The following TNIP3 variants were observed in gnomAD, a reference collection of about 807,000 sequenced individuals.
TNIP3 encodes TNFAIP3 interacting protein 3, also known as TNFAIP3-interacting protein 3.
Under a neutral mutation model 54.1 loss-of-function variants are expected in TNIP3, and 34 were observed. That is an observed-to-expected ratio of 0.63 (90% CI 0.48 to 0.84). TNIP3 has a LOEUF of 0.84. Ranked by LOEUF, TNIP3 falls within the 40% of genes least tolerant of loss-of-function variation. The pLI, the probability that TNIP3 is intolerant of heterozygous loss-of-function variation, is 0.00. For missense variants in TNIP3, 366 were observed against 387.6 expected (o/e 0.94, Z 0.47); for synonymous variants, 134 against 136.8 (o/e 0.98, Z 0.14).
rs942490078 is a variant in TNIP3, at chr4:121,164,266, A to C, written c.-141T>G. 3.2e-5 allele frequency: 47 copies of C among 1,463,092 alleles called. No homozygotes were observed. Among genetic ancestry groups the C allele is most frequent in the Non-Finnish European group, 3.6e-5 (40 of 1,110,700 alleles). The allele number at this position is 1,463,092 out of a possible 1,614,324, so 90.6% of individuals were successfully genotyped here. On this transcript the variant is annotated 5_prime_UTR_variant, in exon 1 of 11. The change creates a new upstream start codon in the 5' untranslated region. Coordinates refer to ENST00000057513, the MANE Select transcript of TNIP3 (RefSeq NM_024873.6). Reference sequence around the variant, plus strand: ...TTAACTCATAATAGAAAATAACAGCAATAGGTTTTCATTAAAAATGAACAG... The same window carrying C: ...TTAACTCATAATAGAAAATAACAGCCATAGGTTTTCATTAAAAATGAACAG...
intron 1 of TNIP3, among the ~76,000 whole-genome samples, chr4:121,224,610 T>G (rs933186751): frequency 6.6e-6 from 1 of 152,194 alleles, no homozygotes; most frequent in African/African-American, 2.4e-5. Flanking sequence ...CACCCATATT[T>G]AGGCAGGTTT....
intron 2 of TNIP3, among the ~76,000 whole-genome samples, 170 bp downstream of exon 2, chr4:121,160,966 T>A (rs1730411484): frequency 6.6e-6 from 1 of 152,124 alleles, no homozygotes; most frequent in Non-Finnish European, 1.5e-5. Context: ...GTATGAAACA[T>A]ACAGGTGAAT....
intron 2 of TNIP3, among the ~76,000 whole-genome samples, chr4:121,190,903 C>A (rs1725274668): frequency 6.6e-6 from 1 of 152,008 alleles, no homozygotes; most frequent in East Asian, 1.9e-4. Context: ...ACCCAGGGAG[C>A]CAGGACCCTA....
intron 2 of TNIP3, among the ~76,000 whole-genome samples, chr4:121,195,114 G>C (rs1253045807): frequency 6.6e-6 from 1 of 152,098 alleles, no homozygotes; most frequent in East Asian, 1.9e-4. Flanking sequence ...GTTGCAGTAA[G>C]CCAAGATTGT....
intron 2 of TNIP3, among the ~76,000 whole-genome samples, chr4:121,209,219 TTAA>T (rs1163744512): frequency 6.6e-6 from 1 of 152,218 alleles, no homozygotes; most frequent in Non-Finnish European, 1.5e-5. Context: ...GAGTTGTATC[TTAA>T]TAATAAACTG....
chr4:121,139,956 T>C (rs997205775), intron 9 of TNIP3, among the ~76,000 whole-genome samples: 1 of 152,214 alleles, frequency 6.6e-6, no homozygotes, highest in Non-Finnish European at 1.5e-5. Flanking sequence ...AAACATGAAA[T>C]ATTATTTTTA....
chr4:121,154,439 G>T, intron 5 of TNIP3, 112 bp downstream of exon 5: 1 of 1,300,798 alleles, frequency 7.7e-7, no homozygotes. Flanking sequence ...TCTTGTGCAA[G>T]CCTCCAAGGC....
intron 2 of TNIP3, among the ~76,000 whole-genome samples, chr4:121,187,769 T>A (rs1176784608): frequency 6.6e-6 from 1 of 152,182 alleles, no homozygotes; most frequent in Non-Finnish European, 1.5e-5. Flanking sequence ...TTCAATCAAA[T>A]TAAATACAGA....
intron 2 of TNIP3, among the ~76,000 whole-genome samples, chr4:121,208,131 C>T (rs1437919382): frequency 6.6e-6 from 1 of 152,162 alleles, no homozygotes; most frequent in African/African-American, 2.4e-5. Context: ...ATGTCTTTAT[C>T]AGCAGCATGA....
At position 121,193,336 on chromosome 4, in the gene TNIP3, A is replaced by T. The variant is rs372116883; in HGVS notation, c.69-10540T>A. 2.2e-4 allele frequency among the ~76,000 whole-genome samples: 34 copies of T among 152,314 alleles called. No individual in the cohort carries two copies. In the East Asian group the frequency reaches 6.0e-3, roughly 27 times the overall value. ...CTTTTCGTGCCAGAAATTAGGCAGG[A>T]TTCAAAAAATTGATCCAATATGGCA... On this transcript the variant is annotated intron_variant, in intron 2 of 12. Coordinates refer to the TNIP3 transcript ENST00000507879.
intron 2 of TNIP3, among the ~76,000 whole-genome samples, chr4:121,184,960 G>A (rs1377392955): frequency 6.6e-6 from 1 of 152,146 alleles, no homozygotes; most frequent in Non-Finnish European, 1.5e-5. Flanking sequence ...TTCCCAAGTA[G>A]CAACAGAATT....
intron 9 of TNIP3, 58 bp from the exon 10 acceptor site, chr4:121,138,742 T>C: frequency 6.8e-7 from 1 of 1,469,564 alleles, no homozygotes; most frequent in East Asian, 2.3e-5. Context: ...TAGTGGCATG[T>C]CAAAAATACA....
At chr4:121,227,443 C>T (rs773406168) in exon 1 of TNIP3, 48 of 1,463,910 alleles carry the variant, frequency 3.3e-5, no homozygotes, top group Middle Eastern at 3.4e-4. Flanking sequence ...AGGTCTAATA[C>T]GGAGACCTGT....
At chr4:121,148,352 T>C (rs1433514708) in intron 6 of TNIP3, among the ~76,000 whole-genome samples, 3 of 152,218 alleles carry the variant, frequency 2.0e-5, no homozygotes, top group Admixed American at 2.0e-4. Context: ...AGATGGATTT[T>C]GGTCTTCCCA....
intron 3 of TNIP3, among the ~76,000 whole-genome samples, chr4:121,171,462 C>A (rs1723935550): frequency 6.6e-6 from 1 of 152,092 alleles, no homozygotes; most frequent in Admixed American, 6.5e-5. Flanking sequence ...ACAATTCTTT[C>A]AACTTTCCTA....
chr4:121,176,016 T>A (rs1724306006), intron 3 of TNIP3, among the ~76,000 whole-genome samples: 1 of 152,226 alleles, frequency 6.6e-6, no homozygotes, highest in South Asian at 2.1e-4. Flanking sequence ...AAAATCCTCG[T>A]AATGAATGGA....
At chr4:121,222,004 C>T (rs577362196) in intron 1 of TNIP3, among the ~76,000 whole-genome samples, 1 of 152,266 alleles carries the variant, frequency 6.6e-6, no homozygotes, top group East Asian at 1.9e-4. Context: ...GTCACCAGGG[C>T]TATCACTACA....
chr4:121,181,879 T>C (rs1724733990), intron 3 of TNIP3, among the ~76,000 whole-genome samples: 1 of 152,224 alleles, frequency 6.6e-6, no homozygotes, highest in Admixed American at 6.5e-5. Context: ...TGAATCTGTC[T>C]CTACATGATT....
In TNIP3 at chr4:121,141,821, G is replaced by T; in HGVS notation, c.880C>A (p.His294Asn). 1.3e-6 allele frequency: 2 copies of T among 1,534,444 alleles called. No homozygotes were observed. The highest frequency in any genetic ancestry group is 1.8e-6 in the Non-Finnish European group (2 of 1,140,302). ...GPGAVQKQREHPPDYQWYALD... is the reference protein window; with the variant it reads ...GPGAVQKQRENPPDYQWYALD... ...TCAAATGCACTCTTACTTACTGGGT[G>T]CTCCCGTTGCTTCTGCACAGCTCCA... The change falls in exon 9 of 11, where the codon CAC becomes AAC. Residue 294 changes from histidine to asparagine, a missense_variant. Coordinates refer to ENST00000057513, the MANE Select transcript of TNIP3 (RefSeq NM_024873.6).
Sources: gnomAD v4.1 joint callset for allele counts (sites outside exome capture counted in the v4.1 genomes callset) on GRCh38, gnomAD v4.1.1 for gene constraint, MANE v1.5 for transcripts, NCBI Gene and HGNC (gene_info 2026-07-23, HGNC 2026-07-21) for gene names.